TMC1: variants seen among roughly 807,000 people sequenced by gnomAD.
TMC1 encodes the protein transmembrane channel like 1.
In TMC1, 84 loss-of-function variants were observed where a neutral mutation model predicts 105.8. The observed-to-expected ratio is 0.79, with a 90% confidence interval of 0.67 to 0.95. The LOEUF (loss-of-function observed/expected upper bound fraction) is 0.95. TMC1 is among the 40% of genes least tolerant of loss of function. TMC1 has a pLI of 0.00. For missense variants in TMC1, 817 were observed against 914.1 expected (o/e 0.89, Z 1.37); for synonymous variants, 315 against 311.5 (o/e 1.01, Z -0.12).
chr9:72,804,560 G>A lies in TMC1; in HGVS notation c.1567-822G>A, dbSNP rs146182808. Among the ~76,000 whole-genome samples, 773 of 152,174 alleles carry A rather than the reference G, an allele frequency of 5.1e-3. 3 individuals carry two copies. Among genetic ancestry groups the A allele is most frequent in the African/African-American group, 0.018 (736 of 41,500 alleles). On this transcript the variant is annotated intron_variant, in intron 17 of 23. Coordinates refer to ENST00000297784, the MANE Select transcript of TMC1 (RefSeq NM_138691.3). ...CTCCCAAGCATATTCAAATTTTTCC[G>A]TTTTTAATCTGGAAGAAGCAGTACT...
At chr9:72,820,755 G>C in intron 19 of TMC1, 87 bp from the exon 20 acceptor site, 1 of 1,553,244 alleles carries the variant, frequency 6.4e-7, no homozygotes, top group Non-Finnish European at 8.8e-7. Context: ...CTTTGGAAAA[G>C]AAGCATGATG....
chr9:72,758,608 C>T (rs906958717), intron 12 of TMC1, among the ~76,000 whole-genome samples: 7 of 152,136 alleles, frequency 4.6e-5, no homozygotes, highest in Admixed American at 4.6e-4. Flanking sequence ...ACGCCACAGA[C>T]AGCCGTGGGC....
intron 5 of TMC1, among the ~76,000 whole-genome samples, chr9:72,685,296 C>T (rs1326968498): frequency 6.7e-6 from 1 of 149,430 alleles, no homozygotes; most frequent in African/African-American, 2.5e-5. Flanking sequence ...TTAGTAGAGA[C>T]GGGGTTTCAC....
intron 13 of TMC1, among the ~76,000 whole-genome samples, chr9:72,780,834 C>T (rs1198755423): frequency 6.6e-6 from 1 of 152,098 alleles, no homozygotes; most frequent in Non-Finnish European, 1.5e-5. Flanking sequence ...GTTCTTGACC[C>T]ACAAAAAGAC....
Position 72,776,893 on chromosome 9 carries a change from G to A in TMC1, c.884+4338G>A, listed in dbSNP as rs114744491. 3.7e-3 allele frequency among the ~76,000 whole-genome samples: 557 copies of A among 151,808 alleles called. 6 individuals are homozygous for A. Among genetic ancestry groups the A allele is most frequent in the African/African-American group, 0.013 (529 of 41,352 alleles). On this transcript the variant is annotated intron_variant, in intron 13 of 23. Coordinates refer to ENST00000297784, the MANE Select transcript of TMC1 (RefSeq NM_138691.3). Reference sequence around the variant, plus strand: ...CAATATAGACTGATGTCTCTGTCTCGTCCTGGGTAGCCTTTTTATTTTTAA... The same window carrying A: ...CAATATAGACTGATGTCTCTGTCTCATCCTGGGTAGCCTTTTTATTTTTAA...
Position 72,755,071 on chromosome 9 carries a change from GGAGA to G in TMC1, c.741+210_741+213del, listed in dbSNP as rs55848138. 0.082 allele frequency among the ~76,000 whole-genome samples: 10,455 copies of G among 126,830 alleles called. 375 individuals are homozygous for G. Among genetic ancestry groups the G allele is most frequent in the Non-Finnish European group, 0.09 (5,616 of 62,066 alleles). 83.2% of individuals were successfully genotyped at this position (126,830 alleles called of 152,430 possible). A position where few individuals can be genotyped will look rare whatever the true frequency, so the allele number is the denominator to read the frequency against. On this transcript the variant is annotated intron_variant, in intron 12 of 23. Coordinates refer to ENST00000297784, the MANE Select transcript of TMC1 (RefSeq NM_138691.3). ...GAGAGAGAGGGAGGGAGGGAGGGAG[GGAGA>G]GAGAGAGAGAGAGAGAGAGAGAAAG... is the stretch of plus-strand genomic sequence containing the variant.
intron 1 of TMC1, among the ~76,000 whole-genome samples, chr9:72,569,212 A>AAATGCTTTGT (rs1824224407): frequency 1.3e-5 from 2 of 152,210 alleles, no homozygotes; most frequent in African/African-American, 4.8e-5. Context: ...AATACAATGT[A>AAATGCTTTGT]AATGCTTTGT....
intron 3 of TMC1, among the ~76,000 whole-genome samples, chr9:72,617,252 C>A (rs1221124104): frequency 1.3e-5 from 2 of 152,022 alleles, no homozygotes; most frequent in Non-Finnish European, 2.9e-5. Flanking sequence ...ACCTCTGCCT[C>A]CTGGGTTTAA....
intron 8 of TMC1, among the ~76,000 whole-genome samples, chr9:72,705,427 G>A (rs1826722074): frequency 6.6e-6 from 1 of 152,084 alleles, no homozygotes; most frequent in African/African-American, 2.4e-5. Context: ...ATTGGATTGT[G>A]GACCATGGTC....
At chr9:72,733,277 G>A (rs1363352685) in intron 8 of TMC1, among the ~76,000 whole-genome samples, 1 of 151,720 alleles carries the variant, frequency 6.6e-6, no homozygotes, top group Non-Finnish European at 1.5e-5. Context: ...GCTGGGTCAG[G>A]GCTCAGGATA....
chr9:72,606,540 G>A (rs996963429), intron 2 of TMC1, among the ~76,000 whole-genome samples: 5 of 152,234 alleles, frequency 3.3e-5, no homozygotes, highest in South Asian at 4.1e-4. Context: ...CTGCAGAAAC[G>A]TATGTACTTA....
chr9:72,806,617 C>A (rs1564568075), intron 18 of TMC1, among the ~76,000 whole-genome samples: 1 of 151,188 alleles, frequency 6.6e-6, no homozygotes, highest in African/African-American at 2.4e-5. Context: ...CCTCACCTCC[C>A]AGACGGGGTC....
intron 2 of TMC1, among the ~76,000 whole-genome samples, chr9:72,598,137 G>A (rs1031920087): frequency 6.6e-6 from 1 of 152,176 alleles, no homozygotes; most frequent in African/African-American, 2.4e-5. Context: ...TATGTAGCTT[G>A]GCTATCATCT....
At chr9:72,604,508 C>G (rs1429708150) in intron 2 of TMC1, among the ~76,000 whole-genome samples, 1 of 152,166 alleles carries the variant, frequency 6.6e-6, no homozygotes, top group East Asian at 1.9e-4. Flanking sequence ...AGAAAAGTTT[C>G]TGGGCTCTGG....
Position 72,585,114 on chromosome 9 carries a change from G to A in TMC1, c.-306+7091G>A, listed in dbSNP as rs1824534356. ...TTCTTGATAAAGGGGTGTCATTGGG[G>A]CTTCTCTTACTCCTGTCACTCATCA... On this transcript the variant is annotated intron_variant, in intron 2 of 23. Coordinates refer to ENST00000297784, the MANE Select transcript of TMC1 (RefSeq NM_138691.3). 2.7e-5 allele frequency among the ~76,000 whole-genome samples: 4 copies of A among 148,958 alleles called. No individual in the cohort carries two copies. In the South Asian group the frequency reaches 8.5e-4, roughly 32 times the overall value.
chr9:72,706,356 C>G (rs1253954034), intron 8 of TMC1, among the ~76,000 whole-genome samples: 1 of 152,160 alleles, frequency 6.6e-6, no homozygotes, highest in African/African-American at 2.4e-5. Flanking sequence ...ACCAACATAC[C>G]CTCAAACCAT....
intron 13 of TMC1, among the ~76,000 whole-genome samples, chr9:72,779,104 T>C (rs573950556): frequency 1.3e-5 from 2 of 152,286 alleles, no homozygotes; most frequent in South Asian, 4.1e-4. Context: ...TGTTTAACCT[T>C]GAGAGGCCAG....
intron 12 of TMC1, among the ~76,000 whole-genome samples, chr9:72,771,284 A>G (rs1827921006): frequency 6.6e-6 from 1 of 152,196 alleles, no homozygotes; most frequent in Non-Finnish European, 1.5e-5. Flanking sequence ...TGAAAGCAAT[A>G]GTTTTTCAGA....
intron 5 of TMC1, chr9:72,656,063 T>C: frequency 1.4e-6 from 1 of 710,070 alleles, no homozygotes; most frequent in African/African-American, 1.7e-5. Flanking sequence ...TTCTTTTCCT[T>C]TGCTCCTCTG....
Sources: allele counts gnomAD v4.1 joint callset (sites outside exome capture counted in the v4.1 genomes callset), GRCh38; gene constraint gnomAD v4.1.1; transcripts MANE v1.5; gene names NCBI Gene and HGNC (gene_info 2026-07-23, HGNC 2026-07-21).